The following LIMCH1 variants were observed in gnomAD, a reference collection of about 807,000 sequenced individuals.
LIMCH1 encodes the protein LIM and calponin homology domains-containing protein 1.
LIMCH1 carries 113 observed loss-of-function variants against 176.5 expected under a neutral mutation model. That is an observed-to-expected ratio of 0.64 (90% CI 0.55 to 0.75). The LOEUF is 0.75. Among genes scored for constraint, LIMCH1 ranks in the 30% least tolerant of loss-of-function variants. The pLI is 0.00. For missense variants in LIMCH1, 1,674 were observed against 1,814.9 expected, an observed-to-expected ratio of 0.92 and a Z score of 1.41; for synonymous variants, 619 against 645.9, an observed-to-expected ratio of 0.96 and a Z score of 0.63.
chr4:41,631,215 C>T lies in LIMCH1; in HGVS notation c.1339C>T (p.Arg447Cys), dbSNP rs1476245885. The T allele has an allele frequency of 1.3e-5, 20 of 1,535,882 alleles. No homozygotes were observed. The highest frequency in any genetic ancestry group is 2.4e-5 in the South Asian group (2 of 84,048). ...AGAAATTAAAGCAGAAACTGCCATT[C>T]GTGATGACTTTGCCAACCGCAAAGC... is the stretch of plus-strand genomic sequence containing the variant. ...SPEIKAETAI[R>C]DDFANRKARA... The change falls in exon 10 of 32, where the codon CGT becomes TGT. Residue 447 changes from arginine (R) to cysteine (C), a missense_variant. Transcript: ENST00000503057.
chr4:41,601,646 A>G, intron 2 of LIMCH1, among the ~76,000 whole-genome samples: 1 of 152,232 alleles, frequency 6.6e-6, no homozygotes, highest in South Asian at 2.1e-4. Context: ...ATTTTACTGT[A>G]TGAGTATTTC....
chr4:41,467,711 T>C (rs541608196), intron 1 of LIMCH1, among the ~76,000 whole-genome samples: 38 of 152,304 alleles, frequency 2.5e-4, no homozygotes, highest in Non-Finnish European at 5.0e-4. Context: ...TAAGGAGAAT[T>C]CAGATCTGGC....
intron 1 of LIMCH1, among the ~76,000 whole-genome samples, chr4:41,361,178 G>A (rs2051971804): frequency 6.6e-6 from 1 of 152,230 alleles, no homozygotes; most frequent in Non-Finnish European, 1.5e-5. Flanking sequence ...CGTGAGGGCA[G>A]GAAGGGATCC....
intron 1 of LIMCH1, among the ~76,000 whole-genome samples, chr4:41,574,445 C>T (rs1373434662): frequency 6.6e-6 from 1 of 151,742 alleles, no homozygotes; most frequent in Admixed American, 6.6e-5. Context: ...TGCCACCACA[C>T]CTGGCTAATT....
intron 1 of LIMCH1, among the ~76,000 whole-genome samples, chr4:41,572,983 A>T (rs917453029): frequency 6.6e-6 from 1 of 152,228 alleles, no homozygotes; most frequent in Non-Finnish European, 1.5e-5. Flanking sequence ...TTTCTGCATT[A>T]GGGGTTATGT....
chr4:41,360,694 G>A, upstream of LIMCH1: 2 of 408,716 alleles, frequency 4.9e-6, no homozygotes, highest in Non-Finnish European at 4.1e-6. This position sits in a 1 kb window ranked among gnomAD's most constrained non-coding sequence, Gnocchi z 4.5. Context: ...GCAGCGCGCG[G>A]CTCTCCCGGG....
chr4:41,536,231 G>A (rs2077929942), upstream of LIMCH1, among the ~76,000 whole-genome samples: 4 of 152,298 alleles, frequency 2.6e-5, no homozygotes, highest in South Asian at 8.3e-4. Flanking sequence ...ACCACCAAAT[G>A]TATGAAGTAT....
At chr4:41,679,443 C>A (rs1185038560) in intron 23 of LIMCH1, among the ~76,000 whole-genome samples, 2 of 152,160 alleles carry the variant, frequency 1.3e-5, no homozygotes, top group African/African-American at 2.4e-5. Flanking sequence ...CTCTAATGGA[C>A]TGTTTAAAAA....
rs567135979 is a variant in LIMCH1, at chr4:41,677,847, A to C, written c.3519+1385A>C. ...AGTACTGATTTTACAAAAATAAATA[A>C]ATAAATAAATAAAGGAAAATAATGT... On this transcript the variant is annotated intron_variant, in intron 23 of 31. Transcript: ENST00000503057. Among the ~76,000 whole-genome samples, 6 of 152,300 alleles carry C rather than the reference A, an allele frequency of 3.9e-5. No homozygotes were observed. In the South Asian group the frequency reaches 1.2e-3, roughly 32 times the overall value.
At chr4:41,374,833 G>A (rs2054492360) in intron 1 of LIMCH1, among the ~76,000 whole-genome samples, 1 of 152,098 alleles carries the variant, frequency 6.6e-6, no homozygotes, top group African/African-American at 2.4e-5. Flanking sequence ...AGAAGGTCCA[G>A]GCTTTTCCAC....
intron 1 of LIMCH1, 122 bp from the exon 2 acceptor site, chr4:41,598,798 C>G (rs2089403007): frequency 2.0e-6 from 1 of 498,306 alleles, no homozygotes; most frequent in South Asian, 3.8e-5. Context: ...GTTATGCAAG[C>G]TATGATTTAG....
At chr4:41,685,869 T>C (rs2153063582) in intron 28 of LIMCH1, 39 bp downstream of exon 28, 2 of 1,596,310 alleles carry the variant, frequency 1.3e-6, no homozygotes, top group Non-Finnish European at 1.7e-6. Flanking sequence ...ATTCCCTTTT[T>C]TAAAAATTCA....
At chr4:41,661,262 A>G (rs2094607479) in intron 18 of LIMCH1, among the ~76,000 whole-genome samples, 158 bp from the exon 19 acceptor site, 2 of 152,210 alleles carry the variant, frequency 1.3e-5, no homozygotes, top group African/African-American at 4.8e-5. Context: ...TCTCCTTCCA[A>G]CCAATCCAGG....
At chr4:41,473,356 A>G (rs2067263284) in intron 1 of LIMCH1, among the ~76,000 whole-genome samples, 1 of 152,208 alleles carries the variant, frequency 6.6e-6, no homozygotes, top group African/African-American at 2.4e-5. Context: ...CAGCAATTTA[A>G]CAAAACAGAG....
chr4:41,616,497 C>A (rs1230817144), intron 5 of LIMCH1, among the ~76,000 whole-genome samples: 4 of 151,756 alleles, frequency 2.6e-5, no homozygotes, highest in Non-Finnish European at 4.4e-5. Flanking sequence ...CCATTGCACT[C>A]CAGACTGGAC....
At chr4:41,382,622 A>T (rs1398972723) in intron 1 of LIMCH1, among the ~76,000 whole-genome samples, 1 of 152,136 alleles carries the variant, frequency 6.6e-6, no homozygotes, top group Non-Finnish European at 1.5e-5. Context: ...TGTAAAATGG[A>T]TACAACTTGG....
At chr4:41,621,013 G>A (rs1032979798) in intron 7 of LIMCH1, among the ~76,000 whole-genome samples, 14 of 152,170 alleles carry the variant, frequency 9.2e-5, no homozygotes, top group Admixed American at 1.3e-4. Flanking sequence ...TCTATTGTTT[G>A]TGGCTTGTTA....
At chr4:41,383,590 T>C (rs527761608) in intron 1 of LIMCH1, among the ~76,000 whole-genome samples, 15 of 152,188 alleles carry the variant, frequency 9.9e-5, no homozygotes, top group Non-Finnish European at 1.8e-4. Context: ...AAATCTTTGA[T>C]TGATTTTCAA....
rs553900763 is a variant in LIMCH1 at position 41,515,542 on chromosome 4, GA to G, written c.168-8865del. Among the ~76,000 whole-genome samples the G allele has an allele frequency of 1.8e-3, 272 of 152,348 alleles. 1 individual carries two copies. The highest frequency in any genetic ancestry group is 0.011 in the Admixed American group (172 of 15,304). ...GATGGTAATAATGCCGGCCATTGAT[GA>G]AGTGTATATTGTACACCGGGCCTGT... On this transcript the variant is annotated intron_variant, in intron 2 of 26. Coordinates refer to the LIMCH1 transcript ENST00000313860.
Sources: gnomAD v4.1 joint callset for allele counts (sites outside exome capture counted in the v4.1 genomes callset) on GRCh38, gnomAD v4.1.1 for gene constraint, Gnocchi (gnomAD v3.1) non-coding constraint, MANE v1.5 for transcripts, NCBI Gene and HGNC (gene_info 2026-07-23, HGNC 2026-07-21) for gene names.